Variants in LSAMP observed in about 807,000 individuals in gnomAD.
LSAMP encodes the protein limbic system associated membrane protein.
Under a neutral mutation model 38.6 loss-of-function variants are expected in LSAMP, and 7 were observed. The ratio of observed to expected loss-of-function variants is 0.18; its 90% CI spans 0.10 to 0.34. The LOEUF (loss-of-function observed/expected upper bound fraction) is 0.34. LSAMP is among the 10% of genes least tolerant of loss of function. LSAMP has a pLI of 1.00. For missense variants in LSAMP, 313 were observed against 420.0 expected (o/e 0.75, Z 2.23); for synonymous variants, 154 against 166.8 (o/e 0.92, Z 0.59).
intron 1 of LSAMP, among the ~76,000 whole-genome samples, chr3:116,205,964 T>G (rs2046061775): frequency 6.6e-6 from 1 of 150,820 alleles, no homozygotes; most frequent in African/African-American, 2.4e-5. Context: ...ATTGGAATAG[T>G]TTCAGAAGGA....
intron 6 of LSAMP, among the ~76,000 whole-genome samples, chr3:115,820,313 A>G (rs1934189340): frequency 2.0e-5 from 3 of 152,172 alleles, no homozygotes; most frequent in African/African-American, 7.2e-5. Context: ...AAATACACTT[A>G]ACAAATAAGT....
chr3:116,246,185 T>C (rs1360215509), intron 1 of LSAMP, among the ~76,000 whole-genome samples: 1 of 152,180 alleles, frequency 6.6e-6, no homozygotes. Context: ...CTATTTCTGT[T>C]TCAAGCCTTC....
chr3:115,988,015 T>A (rs1256230863), intron 3 of LSAMP, among the ~76,000 whole-genome samples: 2 of 152,092 alleles, frequency 1.3e-5, no homozygotes, highest in Non-Finnish European at 2.9e-5. Flanking sequence ...GTTTCTCTAA[T>A]CTTTCTCTGA....
chr3:116,030,916 C>T (rs1006270795), intron 2 of LSAMP, among the ~76,000 whole-genome samples: 1 of 152,102 alleles, frequency 6.6e-6, no homozygotes, highest in African/African-American at 2.4e-5. Context: ...TAGGATTTAG[C>T]CCTAAAACAT....
At chr3:116,286,482 A>C (rs2047195897) in intron 1 of LSAMP, among the ~76,000 whole-genome samples, 1 of 152,182 alleles carries the variant, frequency 6.6e-6, no homozygotes, top group Non-Finnish European at 1.5e-5. Context: ...CACAGCTCTC[A>C]TAGCAATTCA....
chr3:116,280,767 T>C (rs901372162), intron 1 of LSAMP, among the ~76,000 whole-genome samples: 2 of 152,238 alleles, frequency 1.3e-5, no homozygotes, highest in African/African-American at 4.8e-5. Context: ...TGATTCTCAG[T>C]TTGTTCTTCT....
intron 3 of LSAMP, among the ~76,000 whole-genome samples, chr3:115,928,880 G>T (rs916976396): frequency 6.6e-6 from 1 of 151,814 alleles, no homozygotes; most frequent in Non-Finnish European, 1.5e-5. Flanking sequence ...TGCTAAGGGC[G>T]TAGGGAAGAA....
intron 1 of LSAMP, among the ~76,000 whole-genome samples, chr3:116,158,601 A>T (rs569690623): frequency 6.6e-6 from 1 of 152,260 alleles, no homozygotes; most frequent in South Asian, 2.1e-4. Context: ...CATTTGCAAT[A>T]GCTACAAAAA....
intron 1 of LSAMP, among the ~76,000 whole-genome samples, chr3:116,369,478 G>T (rs2048401848): frequency 6.6e-6 from 1 of 152,098 alleles, no homozygotes; most frequent in Non-Finnish European, 1.5e-5. Context: ...AAAGAGAAGA[G>T]AGACCAAGAG....
chr3:116,296,626 C>G (rs1232682314), intron 1 of LSAMP, among the ~76,000 whole-genome samples: 1 of 132,646 alleles, frequency 7.5e-6, no homozygotes, highest in Non-Finnish European at 1.5e-5. Context: ...ACCCGGGAGG[C>G]AGAGCTTGCA....
chr3:115,913,711 A>C (rs531829980), intron 3 of LSAMP, among the ~76,000 whole-genome samples: 2 of 152,348 alleles, frequency 1.3e-5, no homozygotes, highest in East Asian at 3.9e-4. Context: ...AATGAAAGAG[A>C]AAAAAGAGTA....
chr3:116,327,719 A>C (rs1335621223), intron 1 of LSAMP, among the ~76,000 whole-genome samples: 1 of 152,156 alleles, frequency 6.6e-6, no homozygotes, highest in Non-Finnish European at 1.5e-5. Flanking sequence ...GTCCCTAATA[A>C]CATCTTATTA....
intron 6 of LSAMP, among the ~76,000 whole-genome samples, chr3:115,835,498 T>C: frequency 6.6e-6 from 1 of 152,190 alleles, no homozygotes; most frequent in East Asian, 1.9e-4. Context: ...GATGTATTAT[T>C]TGCTAACTCC....
At chr3:116,025,989 A>G (rs149232568) in intron 2 of LSAMP, among the ~76,000 whole-genome samples, 48 of 152,276 alleles carry the variant, frequency 3.2e-4, no homozygotes, top group African/African-American at 9.9e-4. Flanking sequence ...GTGTGATCAT[A>G]GTTCACTGCA....
Position 116,098,760 on chromosome 3 carries a change from T to C in LSAMP, c.156-12204A>G, listed in dbSNP as rs557530216. 3.3e-5 allele frequency among the ~76,000 whole-genome samples: 5 copies of C among 152,308 alleles called. No homozygotes were observed. In the East Asian group the frequency reaches 9.6e-4, roughly 29 times the overall value. On this transcript the variant is annotated intron_variant, in intron 1 of 6. Transcript: ENST00000490035. ...TTCTTTCTCTCACCAAAGCATTTTTTTTTCCTCCCTTTTGCTGGAGGCCTG... is the reference window on the plus strand; with the variant it reads ...TTCTTTCTCTCACCAAAGCATTTTTCTTTCCTCCCTTTTGCTGGAGGCCTG...
At chr3:116,166,967 A>AT (rs1457751718) in intron 1 of LSAMP, among the ~76,000 whole-genome samples, 4 of 151,234 alleles carry the variant, frequency 2.6e-5, no homozygotes, top group Non-Finnish European at 4.4e-5. Flanking sequence ...ATTTTTTTGT[A>AT]TTTTTAGTAG....
chr3:116,344,072 G>A (rs1382782356), intron 1 of LSAMP, among the ~76,000 whole-genome samples: 1 of 152,046 alleles, frequency 6.6e-6, no homozygotes, highest in Non-Finnish European at 1.5e-5. Context: ...CTCATCATGT[G>A]GGTACCAAAA....
At chr3:116,344,143 T>C (rs2048033417) in intron 1 of LSAMP, among the ~76,000 whole-genome samples, 1 of 152,094 alleles carries the variant, frequency 6.6e-6, no homozygotes, top group South Asian at 2.1e-4. Context: ...CACCACCTTT[T>C]CCCAAATGCC....
At position 116,206,653 on chromosome 3, in the gene LSAMP, C is replaced by T. The variant is rs1339915548; in HGVS notation, c.156-120097G>A. 8.6e-5 allele frequency among the ~76,000 whole-genome samples: 13 copies of T among 151,528 alleles called. 1 individual carries two copies. Among genetic ancestry groups the T allele is most frequent in the South Asian group, 4.2e-4 (2 of 4,754 alleles). On this transcript the variant is annotated intron_variant, in intron 1 of 6. Transcript: ENST00000490035. ...AACATCTTTATTTCTGCCTTCATTT[C>T]GTTATGTATCCAGTAGTCATTCAGG...
Sources: gnomAD v4.1 joint callset for allele counts (sites outside exome capture counted in the v4.1 genomes callset) on GRCh38, gnomAD v4.1.1 for gene constraint, MANE v1.5 for transcripts, NCBI Gene and HGNC (gene_info 2026-07-23, HGNC 2026-07-21) for gene names.